The following ARID5B variants were observed in gnomAD, a reference collection of about 807,000 sequenced individuals.
ARID5B encodes AT-rich interaction domain 5B, also known as AT-rich interactive domain-containing protein 5B.
Under a neutral mutation model 97.2 loss-of-function variants are expected in ARID5B, and 13 were observed. The observed-to-expected ratio is 0.13, with a 90% confidence interval of 0.09 to 0.21. The LOEUF is 0.21. ARID5B is among the 10% of genes least tolerant of loss of function. The pLI, the probability that ARID5B is intolerant of heterozygous loss-of-function variation, is 1.00. For missense variants in ARID5B, 1,210 were observed against 1,465.3 expected (o/e 0.83, Z 2.84); for synonymous variants, 556 against 570.3 (o/e 0.97, Z 0.36).
chr10:62,091,874 A>G lies in ARID5B; in HGVS notation c.2411A>G (p.Gln804Arg). Residue 804 changes from glutamine to arginine, a missense_variant, in exon 10 of 10, where the codon CAA becomes CGA. Transcript: ENST00000279873. ...CTTGCTGACTCCTACGTCCTGAAGC[A>G]AGAAATTCAGGAGGGCAAGGATAAA... Reference protein sequence around the residue: ...NPLADSYVLKQEIQEGKDKLL... With the variant: ...NPLADSYVLKREIQEGKDKLL... The G allele has an allele frequency of 6.2e-7, 1 of 1,614,138 alleles. No individual in the cohort carries two copies. Among genetic ancestry groups the G allele is most frequent in the Non-Finnish European group, 8.5e-7 (1 of 1,180,016 alleles).
At chr10:62,005,394 T>C (rs376832886) in intron 4 of ARID5B, among the ~76,000 whole-genome samples, 1 of 152,244 alleles carries the variant, frequency 6.6e-6, no homozygotes, top group East Asian at 1.9e-4. Context: ...AAAACCCTCT[T>C]GATAAATGAA....
chr10:61,963,603 C>T (rs1232512965), intron 3 of ARID5B, among the ~76,000 whole-genome samples: 2 of 151,874 alleles, frequency 1.3e-5, no homozygotes, highest in African/African-American at 2.4e-5. Context: ...GCAGAGCATC[C>T]TAGATTTGAG....
At chr10:61,916,277 C>T (rs748676576) in intron 2 of ARID5B, among the ~76,000 whole-genome samples, 1 of 152,062 alleles carries the variant, frequency 6.6e-6, no homozygotes, top group South Asian at 2.1e-4. Context: ...GGCTGGACTA[C>T]CTGTTTCTGT....
chr10:61,994,947 T>C (rs181589801), intron 3 of ARID5B, among the ~76,000 whole-genome samples: 22 of 152,342 alleles, frequency 1.4e-4, no homozygotes, highest in Non-Finnish European at 2.8e-4. Context: ...ATTCACTTTT[T>C]TTTGGTATAG....
chr10:61,979,474 T>C (rs1310278674), intron 3 of ARID5B, among the ~76,000 whole-genome samples: 1 of 152,142 alleles, frequency 6.6e-6, no homozygotes, highest in African/African-American at 2.4e-5. Context: ...CCACACTCCA[T>C]GCAAACACTA....
intron 2 of ARID5B, among the ~76,000 whole-genome samples, chr10:61,933,654 G>A (rs1844250832): frequency 1.3e-5 from 2 of 152,176 alleles, no homozygotes; most frequent in African/African-American, 2.4e-5. Flanking sequence ...AGTCATATTT[G>A]TAAAGAAATC....
At chr10:61,927,182 T>C (rs1844122426) in intron 2 of ARID5B, among the ~76,000 whole-genome samples, 1 of 152,170 alleles carries the variant, frequency 6.6e-6, no homozygotes, top group Non-Finnish European at 1.5e-5. Context: ...AGAGATAATA[T>C]ATAATAGTAA....
intron 2 of ARID5B, among the ~76,000 whole-genome samples, chr10:61,905,198 T>C (rs1026872919): frequency 6.6e-6 from 1 of 152,244 alleles, no homozygotes; most frequent in African/African-American, 2.4e-5. Context: ...GTTCAGCACA[T>C]TTAATCAGCC....
chr10:62,091,771 A>G lies in ARID5B; in HGVS notation c.2308A>G (p.Asn770Asp), dbSNP rs907493579. Residue 770 changes from asparagine to aspartate, a missense_variant, in exon 10 of 10, where the codon AAT (asparagine) becomes GAT (aspartate). Around this residue, in one of 8 missense-constraint regions of ARID5B, gnomAD observed 800 missense variants for 839.1 expected, o/e 0.95. Coordinates refer to ENST00000279873, the MANE Select transcript of ARID5B (RefSeq NM_032199.3). ...GCCCTCGGAAGAGAGAAAGACCATC[A>G]ATGACATCTTTAAGCATGAGAAACT... is the stretch of plus-strand genomic sequence containing the variant. ...SKPSEERKTI[N>D]DIFKHEKLSR... The G allele has an allele frequency of 3.7e-6, 6 of 1,613,950 alleles. No individual in the cohort carries two copies. The highest frequency in any genetic ancestry group is 4.5e-5 in the East Asian group (2 of 44,888).
At chr10:61,996,228 A>G in intron 3 of ARID5B, among the ~76,000 whole-genome samples, 1 of 152,186 alleles carries the variant, frequency 6.6e-6, no homozygotes, top group East Asian at 1.9e-4. Flanking sequence ...TAACCTAAGG[A>G]GAGTAGAATT....
intron 7 of ARID5B, among the ~76,000 whole-genome samples, chr10:62,067,370 A>C (rs1315289675): frequency 2.0e-5 from 3 of 152,234 alleles, no homozygotes; most frequent in African/African-American, 7.2e-5. Context: ...GGCGTGAGCC[A>C]CCATGCCCGG....
chr10:62,001,817 T>C (rs1216218998), intron 4 of ARID5B, among the ~76,000 whole-genome samples: 1 of 152,234 alleles, frequency 6.6e-6, no homozygotes, highest in Non-Finnish European at 1.5e-5. Flanking sequence ...GGCAACACTG[T>C]TTGTATTTAT....
At chr10:61,934,406 G>C (rs1844262824) in intron 2 of ARID5B, among the ~76,000 whole-genome samples, 1 of 152,194 alleles carries the variant, frequency 6.6e-6, no homozygotes. Context: ...ACTGGCGCAA[G>C]AGGCCTAGCT....
At chr10:61,970,797 A>G (rs1838615804) in intron 3 of ARID5B, among the ~76,000 whole-genome samples, 1 of 152,224 alleles carries the variant, frequency 6.6e-6, no homozygotes, top group South Asian at 2.1e-4. Flanking sequence ...AGTGAGCAGG[A>G]CAATAGCTTG....
chr10:62,069,466 T>C (rs1840034123), intron 7 of ARID5B, among the ~76,000 whole-genome samples: 1 of 152,234 alleles, frequency 6.6e-6, no homozygotes, highest in South Asian at 2.1e-4. Context: ...TGAAACGCAC[T>C]TAGGATGACA....
chr10:61,998,546 C>T (rs1839033303), intron 3 of ARID5B, among the ~76,000 whole-genome samples: 1 of 152,184 alleles, frequency 6.6e-6, no homozygotes, highest in South Asian at 2.1e-4. Context: ...TGAAGGAAGG[C>T]TTCATCCATG....
At chr10:62,050,028 C>G (rs1394307018) in intron 4 of ARID5B, among the ~76,000 whole-genome samples, 1 of 152,108 alleles carries the variant, frequency 6.6e-6, no homozygotes, top group Non-Finnish European at 1.5e-5. Flanking sequence ...AAGCTGATGC[C>G]GGATAGTCAT....
intron 3 of ARID5B, among the ~76,000 whole-genome samples, chr10:61,968,935 A>G (rs746838571): frequency 6.6e-6 from 1 of 152,184 alleles, no homozygotes; most frequent in Non-Finnish European, 1.5e-5. Context: ...ACAATAATAA[A>G]TTGCTTTCAC....
At position 62,092,621 on chromosome 10, in the gene ARID5B, G is replaced by T. The variant is rs1840399147; in HGVS notation, c.3158G>T (p.Gly1053Val). Residue 1053 changes from glycine to valine, a missense_variant, in exon 10 of 10, where the codon GGC (glycine) becomes GTC (valine). Physicochemically the swap from Gly to Val is moderately radical, Grantham distance 109. This residue lies in a region of ARID5B where 800 missense variants were observed against 839.1 expected (regional missense o/e 0.95). Coordinates refer to ENST00000279873, the MANE Select transcript of ARID5B (RefSeq NM_032199.3). The stretch of plus-strand genomic sequence containing the variant: ...AAGGCCTCTGAGCAGGAGAGTGAAG[G>T]CAGCAAAGCAGCGCACGGTGGGCAT... ...KEKASEQESEGSKAAHGGHSG... is the reference protein window; with the variant it reads ...KEKASEQESEVSKAAHGGHSG... 3 of 1,614,178 alleles carry T rather than the reference G, an allele frequency of 1.9e-6. No homozygotes were observed. Among genetic ancestry groups the T allele is most frequent in the South Asian group, 1.1e-5 (1 of 91,088 alleles).
Sources: gnomAD v4.1 joint callset for allele counts (sites outside exome capture counted in the v4.1 genomes callset) on GRCh38, gnomAD v4.1.1 for gene constraint, gnomAD v4.1.1 regional missense constraint, MANE v1.5 for transcripts, NCBI Gene and HGNC (gene_info 2026-07-23, HGNC 2026-07-21) for gene names.